Variants in MCCC2 observed in about 807,000 individuals in gnomAD.
MCCC2 encodes methylcrotonoyl-CoA carboxylase beta chain, mitochondrial.
A neutral mutation model predicts 77.2 loss-of-function variants in MCCC2; 52 were observed. The observed-to-expected ratio is 0.67, with a 90% confidence interval of 0.54 to 0.85. The LOEUF is 0.85. MCCC2 is among the 40% of genes least tolerant of loss of function. MCCC2 has a pLI of 0.00. For synonymous variants in MCCC2, 253 were observed against 248.4 expected (o/e 1.02, Z -0.18); for missense variants, 682 against 703.2 (o/e 0.97, Z 0.34).
intron 12 of MCCC2, among the ~76,000 whole-genome samples, chr5:71,645,758 T>C (rs553145569): frequency 1.3e-5 from 2 of 152,352 alleles, no homozygotes; most frequent in Admixed American, 6.5e-5. Flanking sequence ...GACGCAACAA[T>C]AGTCTTAGAG....
chr5:71,636,707 T>TAAATAAATAAATAAAGATAAAAATAAAC (rs1746943626), intron 10 of MCCC2: 1 of 151,256 alleles, frequency 6.6e-6, no homozygotes, highest in Non-Finnish European at 1.5e-5. Flanking sequence ...CTCAAATAAA[T>TAAATAAATAAATAAAGATAAAAATAAAC]AAATAAATAA....
chr5:71,632,033 T>C (rs1478822621), intron 7 of MCCC2, 88 bp from the exon 8 acceptor site: 1 of 1,111,914 alleles, frequency 9.0e-7, no homozygotes, highest in African/African-American at 1.5e-5. Flanking sequence ...AGTACAGGTA[T>C]AGTCAGGTGA....
chr5:71,605,679 C>G (rs1353686002), intron 6 of MCCC2, among the ~76,000 whole-genome samples: 1 of 151,768 alleles, frequency 6.6e-6, no homozygotes, highest in East Asian at 1.9e-4. Flanking sequence ...ATGGTAATGC[C>G]TAGGTTTTCT....
chr5:71,591,434 G>GTTT (rs67936266), intron 1 of MCCC2, among the ~76,000 whole-genome samples: 5 of 95,236 alleles, frequency 5.3e-5, no homozygotes, highest in Admixed American at 1.2e-4. Flanking sequence ...GTTTTGTTCT[G>GTTT]TTTTTTTTTT....
intron 6 of MCCC2, among the ~76,000 whole-genome samples, chr5:71,611,598 C>CCA (rs1745947064): frequency 6.6e-6 from 1 of 151,910 alleles, no homozygotes; most frequent in African/African-American, 2.4e-5. Context: ...CAATATATGG[C>CCA]TATTTACTAT....
At chr5:71,630,182 T>C (rs1033522422) in intron 7 of MCCC2, among the ~76,000 whole-genome samples, 2 of 152,190 alleles carry the variant, frequency 1.3e-5, no homozygotes, top group African/African-American at 4.8e-5. Flanking sequence ...TTTAGAGAAT[T>C]CTAAATTCTG....
rs1459143051 is a variant in MCCC2 at position 71,652,747 on chromosome 5, A to G, written c.1567A>G (p.Ser523Gly). 1.2e-6 allele frequency: 2 copies of G among 1,614,116 alleles called. No homozygotes were observed. The highest frequency in any genetic ancestry group is 1.7e-6 in the Non-Finnish European group (2 of 1,179,980). Reference sequence around the variant, plus strand: ...AGAGGAAGGAAACCCTTACTATTCCAGCGCAAGGTGGGGGCCAGAACATCA... The same window carrying G: ...AGAGGAAGGAAACCCTTACTATTCCGGCGCAAGGTGGGGGCCAGAACATCA... ...FEEEGNPYYS[S>G]ARVWDDGIID... Residue 523 changes from serine (S) to glycine (G), a missense_variant, in exon 16 of 17, where the codon AGC (serine) becomes GGC (glycine). By Grantham distance (56) the Ser-to-Gly change is moderately conservative. Coordinates refer to ENST00000340941, the MANE Select transcript of MCCC2 (RefSeq NM_022132.5).
Position 71,596,374 on chromosome 5 carries a change from TAGCCA to T in MCCC2, c.281+13_281+17del. 7 of 1,608,672 alleles carry T rather than the reference TAGCCA, an allele frequency of 4.4e-6. No individual in the cohort carries two copies. The highest frequency in any genetic ancestry group is 6.0e-6 in the Non-Finnish European group (7 of 1,175,092). ...ATCTCATAGACCCAGGGTGCGTACA[TAGCCA>T]AGTACTGACTCAGAGTGTTCTCTGT... On this transcript the variant is annotated intron_variant, in intron 3 of 16. Transcript: ENST00000340941.
chr5:71,639,193 G>T (rs1245682398), intron 10 of MCCC2, among the ~76,000 whole-genome samples: 1 of 152,162 alleles, frequency 6.6e-6, no homozygotes, highest in Admixed American at 6.6e-5. Context: ...GTCCTCAGAC[G>T]ACGTGCACTA....
At chr5:71,616,734 A>G (rs770761949) in intron 6 of MCCC2, among the ~76,000 whole-genome samples, 6 of 152,262 alleles carry the variant, frequency 3.9e-5, no homozygotes, top group Middle Eastern at 3.4e-3. Context: ...TAATCCTTTT[A>G]GGTCAAAAAT....
intron 6 of MCCC2, among the ~76,000 whole-genome samples, chr5:71,605,725 G>A (rs1264667178): frequency 6.6e-6 from 1 of 152,046 alleles, no homozygotes; most frequent in Admixed American, 6.6e-5. Flanking sequence ...TAATGTTTAA[G>A]TCTTTAATCC....
At chr5:71,652,845 A>G (rs918536782) in intron 16 of MCCC2, 91 bp downstream of exon 16, 17 of 1,050,490 alleles carry the variant, frequency 1.6e-5, no homozygotes, top group Non-Finnish European at 2.5e-5. Flanking sequence ...GAGATGGTCC[A>G]GCATTCATAG....
At chr5:71,618,080 A>C (rs1746225726) in intron 6 of MCCC2, among the ~76,000 whole-genome samples, 1 of 152,140 alleles carries the variant, frequency 6.6e-6, no homozygotes, top group Non-Finnish European at 1.5e-5. Context: ...TCATGTCATG[A>C]GAATGCCTTC....
At position 71,596,359 on chromosome 5, in the gene MCCC2, C is replaced by A. The variant is rs1411101935; in HGVS notation, c.276C>A (p.Asp92Glu). 6.2e-7 allele frequency: 1 copy of A among 1,613,760 alleles called. No homozygotes were observed. Among genetic ancestry groups the A allele is most frequent in the Non-Finnish European group, 8.5e-7 (1 of 1,179,766 alleles). The change falls in exon 3 of 17, where the codon GAC (aspartate) becomes GAA (glutamate). Residue 92 changes from aspartate to glutamate, a missense_variant. By Grantham distance (45) the Asp-to-Glu change is conservative (BLOSUM62 2). Transcript: ENST00000340941. Reference sequence around the variant, plus strand: ...GAGAAAGAATTGACAATCTCATAGACCCAGGGTGCGTACATAGCCAAGTAC... The same window carrying A: ...GAGAAAGAATTGACAATCTCATAGAACCAGGGTGCGTACATAGCCAAGTAC... Reference protein sequence around the residue: ...LPRERIDNLIDPGSPFLELSQ... With the variant: ...LPRERIDNLIEPGSPFLELSQ...
At chr5:71,650,764 T>C (rs1036989616) in intron 15 of MCCC2, among the ~76,000 whole-genome samples, 6 of 152,218 alleles carry the variant, frequency 3.9e-5, no homozygotes, top group African/African-American at 1.4e-4. Flanking sequence ...TTCTTCTGCC[T>C]CAGCCTCCCG....
intron 10 of MCCC2, among the ~76,000 whole-genome samples, chr5:71,638,203 T>C (rs536559605): frequency 2.1e-4 from 32 of 152,350 alleles, no homozygotes; most frequent in African/African-American, 7.7e-4. Context: ...TCTGTTCAAG[T>C]TTGAACATGA....
chr5:71,607,212 C>T (rs2112340998), intron 6 of MCCC2, among the ~76,000 whole-genome samples: 3 of 151,628 alleles, frequency 2.0e-5, no homozygotes, highest in African/African-American at 7.2e-5. Flanking sequence ...GTCCTGGACT[C>T]TTTTTGGTTG....
chr5:71,610,858 T>C lies in MCCC2; in HGVS notation c.624+6390T>C, dbSNP rs147302610. Among the ~76,000 whole-genome samples the C allele has an allele frequency of 3.3e-3, 506 of 152,194 alleles. 5 individuals are homozygous for C. The highest frequency in any genetic ancestry group is 0.012 in the African/African-American group (481 of 41,538). On this transcript the variant is annotated intron_variant, in intron 6 of 16. Transcript: ENST00000340941. Reference sequence around the variant, plus strand: ...AAAATTAGCTGGGCGTGGTGGCACATGCCTGTAGTCCCAGCAACTTGGGAG... The same window carrying C: ...AAAATTAGCTGGGCGTGGTGGCACACGCCTGTAGTCCCAGCAACTTGGGAG...
At chr5:71,618,534 TTCCTTCCTTCC>T (rs1561835149) in intron 6 of MCCC2, among the ~76,000 whole-genome samples, 1 of 62,016 alleles carries the variant, frequency 1.6e-5, no homozygotes, top group Non-Finnish European at 3.7e-5. Flanking sequence ...CCTTCCTTCC[TTCCTTCCTTCC>T]TTCCTTTCTT....
Sources: gnomAD v4.1 joint callset for allele counts (sites outside exome capture counted in the v4.1 genomes callset) on GRCh38, gnomAD v4.1.1 for gene constraint, MANE v1.5 for transcripts, NCBI Gene and HGNC (gene_info 2026-07-23, HGNC 2026-07-21) for gene names.